CLUL1: variants seen among roughly 807,000 people sequenced by gnomAD.
The protein encoded by CLUL1 is clusterin-like protein 1.
Under a neutral mutation model 49.4 loss-of-function variants are expected in CLUL1, and 43 were observed. That is an observed-to-expected ratio of 0.87 (90% CI 0.68 to 1.12). The LOEUF (loss-of-function observed/expected upper bound fraction) is 1.12. CLUL1 is among the 50% of genes most tolerant of loss of function. The pLI is 0.00. For synonymous variants in CLUL1, 192 were observed against 184.9 expected, an observed-to-expected ratio of 1.04 and a Z score of -0.31; for missense variants, 486 against 544.4, an observed-to-expected ratio of 0.89 and a Z score of 1.07.
intron 9 of CLUL1, chr18:645,319 T>A (rs1403444427): frequency 9.7e-6 from 4 of 410,562 alleles, no homozygotes; most frequent in Non-Finnish European, 1.7e-5. Context: ...TTCTCATATA[T>A]CATGTATTGG....
At chr18:644,094 C>T (rs2074408991) in intron 8 of CLUL1, among the ~76,000 whole-genome samples, 1 of 152,184 alleles carries the variant, frequency 6.6e-6, no homozygotes, top group South Asian at 2.1e-4. Context: ...CAAGTGAAAA[C>T]GGTTGTGGTC....
chr18:620,059 C>G (rs2073443262), intron 4 of CLUL1, among the ~76,000 whole-genome samples: 1 of 152,164 alleles, frequency 6.6e-6, no homozygotes, highest in Admixed American at 6.5e-5. Flanking sequence ...TGTTACCACT[C>G]ACTCCTAAAT....
intron 5 of CLUL1, among the ~76,000 whole-genome samples, chr18:625,734 G>A (rs183681341): frequency 1.3e-5 from 2 of 152,238 alleles, no homozygotes; most frequent in Non-Finnish European, 2.9e-5. Context: ...CCTTCAAGAA[G>A]TGAGCTGAAT....
At chr18:646,004 G>A (rs541910780) in intron 9 of CLUL1, among the ~76,000 whole-genome samples, 1 of 151,008 alleles carries the variant, frequency 6.6e-6, no homozygotes, top group East Asian at 1.9e-4. Context: ...TTATCAGCTA[G>A]TCTTGGAGGT....
chr18:619,167 G>A (rs1233565992), intron 3 of CLUL1, 46 bp from the exon 4 acceptor site: 2 of 1,582,902 alleles, frequency 1.3e-6, no homozygotes, highest in Admixed American at 3.6e-5. Context: ...TTGGTGTTTT[G>A]TAATCTGATC....
At chr18:649,304 T>C (rs899776268) in intron 9 of CLUL1, among the ~76,000 whole-genome samples, 5 of 152,166 alleles carry the variant, frequency 3.3e-5, no homozygotes, top group Non-Finnish European at 7.3e-5. Flanking sequence ...TGAATTCCAA[T>C]TTTATAAGGT....
chr18:633,493 A>G, intron 7 of CLUL1, 58 bp downstream of exon 7: 1 of 1,489,120 alleles, frequency 6.7e-7, no homozygotes, highest in East Asian at 2.3e-5. Context: ...ACATTTTGTT[A>G]TAAAGTTTCG....
At chr18:620,617 A>G (rs892640484) in intron 4 of CLUL1, among the ~76,000 whole-genome samples, 2 of 152,232 alleles carry the variant, frequency 1.3e-5, no homozygotes, top group Non-Finnish European at 2.9e-5. Flanking sequence ...TCAAGAGAGT[A>G]CCATGTATAT....
At chr18:615,560 G>T (rs186051998) in intron 2 of CLUL1, among the ~76,000 whole-genome samples, 1 of 152,158 alleles carries the variant, frequency 6.6e-6, no homozygotes, top group Non-Finnish European at 1.5e-5. Flanking sequence ...GTAAAAGCTG[G>T]ACAATTTCCT....
intron 1 of CLUL1, among the ~76,000 whole-genome samples, chr18:597,466 C>A (rs2072684106): frequency 6.6e-6 from 1 of 152,172 alleles, no homozygotes; most frequent in Non-Finnish European, 1.5e-5. Flanking sequence ...TGGCTCACGC[C>A]TGTAATCTCA....
At chr18:609,169 T>C (rs776413557) in intron 2 of CLUL1, among the ~76,000 whole-genome samples, 2 of 152,186 alleles carry the variant, frequency 1.3e-5, no homozygotes, top group Non-Finnish European at 2.9e-5. Flanking sequence ...CACAATATTT[T>C]TAATAATTTT....
At chr18:637,940 CT>C (rs1442632350) in intron 7 of CLUL1, among the ~76,000 whole-genome samples, 7 of 151,914 alleles carry the variant, frequency 4.6e-5, no homozygotes, top group African/African-American at 1.7e-4. Context: ...AGCCTCCAGC[CT>C]GGGCCTCAGA....
At chr18:623,997 AG>A (rs1033114016) in intron 4 of CLUL1, among the ~76,000 whole-genome samples, 7 of 152,098 alleles carry the variant, frequency 4.6e-5, no homozygotes, top group African/African-American at 1.7e-4. Flanking sequence ...CTCGGCATGG[AG>A]GGGGCTGGGG....
intron 2 of CLUL1, among the ~76,000 whole-genome samples, chr18:613,824 A>G (rs1567958592): frequency 6.6e-6 from 1 of 152,328 alleles, no homozygotes; most frequent in East Asian, 1.9e-4. Flanking sequence ...GCTCAATAAA[A>G]CATTTTCATT....
intron 2 of CLUL1, among the ~76,000 whole-genome samples, chr18:615,405 G>A (rs927036417): frequency 6.6e-6 from 1 of 152,222 alleles, no homozygotes; most frequent in Non-Finnish European, 1.5e-5. Context: ...CTATGTGTGT[G>A]ATTGGTTTTG....
chr18:601,505 T>C (rs183409578), intron 1 of CLUL1, among the ~76,000 whole-genome samples: 4 of 152,136 alleles, frequency 2.6e-5, no homozygotes, highest in Admixed American at 2.6e-4. Context: ...AAATTAGTTG[T>C]GCGTGGTGAA....
intron 1 of CLUL1, among the ~76,000 whole-genome samples, chr18:605,580 GA>G (rs1170751413): frequency 9.2e-5 from 14 of 151,762 alleles, no homozygotes; most frequent in Admixed American, 4.6e-4. Context: ...AAAAAAAAAA[GA>G]AAAAAGAAAA....
intron 9 of CLUL1, among the ~76,000 whole-genome samples, chr18:646,802 T>C (rs910608926): frequency 1.5e-4 from 23 of 151,294 alleles, no homozygotes; most frequent in African/African-American, 5.1e-4. Context: ...CATACTGGAG[T>C]ACAGTGGCAC....
intron 5 of CLUL1, among the ~76,000 whole-genome samples, 166 bp from the exon 6 acceptor site, chr18:626,929 AGG>A (rs1567966677): frequency 0.015 from 15 of 1,026 alleles, 3 homozygotes; most frequent in East Asian, 0.17. Context: ...GAAAGAAAGA[AGG>A]AAAGAAGGAA....
Sources: gnomAD v4.1 joint callset for allele counts (sites outside exome capture counted in the v4.1 genomes callset) on GRCh38, gnomAD v4.1.1 for gene constraint, MANE v1.5 for transcripts, NCBI Gene and HGNC (gene_info 2026-07-23, HGNC 2026-07-21) for gene names.